Variants in TENM1 observed in about 807,000 individuals in gnomAD.
The protein encoded by TENM1 is teneurin-1.
Under a neutral mutation model 174.8 loss-of-function variants are expected in TENM1, and 35 were observed. The ratio of observed to expected loss-of-function variants is 0.20; its 90% CI spans 0.15 to 0.27. The LOEUF (loss-of-function observed/expected upper bound fraction) is 0.27, where lower values mean the gene tolerates loss of function less well. TENM1 is among the 10% of genes least tolerant of loss of function. The pLI, the probability that TENM1 is intolerant of heterozygous loss-of-function variation, is 1.00. For missense variants in TENM1, 1,633 were observed against 2,130.1 expected, an observed-to-expected ratio of 0.77 and a Z score of 4.59; for synonymous variants, 781 against 798.7, an observed-to-expected ratio of 0.98 and a Z score of 0.37.
intron 3 of TENM1, among the ~76,000 whole-genome samples, chrX:124,807,672 T>TA (rs1346146840): frequency 1.8e-5 from 2 of 110,632 alleles, no homozygotes; most frequent in African/African-American, 6.6e-5. Flanking sequence ...ATGGTGACAT[T>TA]AAAAAATCAA....
the TENM1 span, among the ~76,000 whole-genome samples, chrX:125,150,883 G>T: frequency 8.9e-6 from 1 of 112,359 alleles, no homozygotes; most frequent in Admixed American, 9.4e-5. Context: ...TTGCTTCAGT[G>T]AGATCGTGAT....
At chrX:125,070,190 G>GTAA in the TENM1 span, among the ~76,000 whole-genome samples, 2,064 of 106,845 alleles carry the variant, frequency 0.019, 31 homozygotes, top group African/African-American at 0.044. Flanking sequence ...CCGTGTCCAA[G>GTAA]TAATAATAAT....
At chrX:125,152,384 CAT>C in the TENM1 span, among the ~76,000 whole-genome samples, 1 of 111,776 alleles carries the variant, frequency 8.9e-6, no homozygotes, top group South Asian at 3.7e-4. Context: ...AAAAGTGACA[CAT>C]ATGAAATATT....
intron 1 of TENM1, among the ~76,000 whole-genome samples, chrX:124,910,090 T>C (rs142368877): frequency 0.011 from 1,190 of 112,370 alleles, 13 homozygotes; most frequent in African/African-American, 0.036. Context: ...TTTTTCTTTA[T>C]TTGAAATTTA....
intron 3 of TENM1, among the ~76,000 whole-genome samples, chrX:124,881,956 G>A (rs1428059515): frequency 1.8e-5 from 2 of 111,585 alleles, no homozygotes; most frequent in Non-Finnish European, 3.8e-5. Flanking sequence ...CTCAAACTCC[G>A]GACCTCAGGT....
intron 3 of TENM1, among the ~76,000 whole-genome samples, chrX:124,749,967 T>A (rs1344554416): frequency 8.9e-6 from 1 of 112,028 alleles, no homozygotes; most frequent in Non-Finnish European, 1.9e-5. Flanking sequence ...CAGTTAATGT[T>A]AGTTACTAAT....
At chrX:125,027,972 G>A in the TENM1 span, among the ~76,000 whole-genome samples, 7 of 111,519 alleles carry the variant, frequency 6.3e-5, no homozygotes, top group Admixed American at 9.6e-5. Flanking sequence ...ACTAAATGTC[G>A]ATACGGATAT....
chrX:124,952,303 A>G (rs1348519100), intron 1 of TENM1, among the ~76,000 whole-genome samples: 2 of 106,904 alleles, frequency 1.9e-5, no homozygotes, highest in Admixed American at 1.0e-4. Context: ...CCCCATTACA[A>G]ATTGATTCAC....
intron 14 of TENM1, among the ~76,000 whole-genome samples, chrX:124,558,810 A>C (rs1160858545): frequency 9.0e-6 from 1 of 111,225 alleles, no homozygotes; most frequent in Non-Finnish European, 1.9e-5. Flanking sequence ...GTAATCGGAA[A>C]TCTCAAGGAG....
At chrX:124,384,798 G>A (rs942915412) in exon 30 of TENM1, 6 of 1,209,829 alleles carry the variant, frequency 5.0e-6, no homozygotes, top group Non-Finnish European at 5.6e-6. Flanking sequence ...TAGTCGAACC[G>A]TGCATTCACA....
intron 24 of TENM1, among the ~76,000 whole-genome samples, chrX:124,421,150 C>A (rs12840592): frequency 0.33 from 36,712 of 110,493 alleles, 5,532 homozygotes; most frequent in Non-Finnish European, 0.48. Context: ...GGCTGGAAAT[C>A]TGAGAGTTAT....
At chrX:124,502,218 A>G (rs2047347252) in intron 19 of TENM1, among the ~76,000 whole-genome samples, 1 of 111,868 alleles carries the variant, frequency 8.9e-6, no homozygotes, top group South Asian at 3.7e-4. Flanking sequence ...ATTCTCAGAA[A>G]TAATTTGATG....
At chrX:125,161,045 A>C in the TENM1 span, among the ~76,000 whole-genome samples, 1 of 107,132 alleles carries the variant, frequency 9.3e-6, no homozygotes, top group African/African-American at 3.4e-5. Context: ...AAAGTAAAAA[A>C]AAAAAAAAAA....
intron 5 of TENM1, among the ~76,000 whole-genome samples, chrX:124,699,105 T>C (rs61530134): frequency 0.018 from 1,969 of 111,950 alleles, 37 homozygotes; most frequent in African/African-American, 0.06. Flanking sequence ...TATTCACATA[T>C]CTATGTATGC....
At chrX:124,591,447 T>C (rs189503260) in intron 11 of TENM1, among the ~76,000 whole-genome samples, 5 of 112,021 alleles carry the variant, frequency 4.5e-5, no homozygotes, top group Admixed American at 9.5e-5. Flanking sequence ...TGCTTGCTTG[T>C]CTGGAAAAGT....
At chrX:124,907,054 T>C (rs899677122) in intron 1 of TENM1, among the ~76,000 whole-genome samples, 1 of 111,758 alleles carries the variant, frequency 8.9e-6, no homozygotes, top group African/African-American at 3.3e-5. Context: ...GTATACTCTA[T>C]ATATAGTTTA....
upstream of TENM1, among the ~76,000 whole-genome samples, chrX:124,968,193 T>C (rs2058749913): frequency 1.8e-5 from 2 of 111,587 alleles, 1 homozygote; most frequent in South Asian, 7.4e-4. Context: ...AATACAAAAA[T>C]AAAATTAAAA....
At chrX:124,919,584 A>G (rs891249047) in intron 1 of TENM1, among the ~76,000 whole-genome samples, 1 of 111,482 alleles carries the variant, frequency 9.0e-6, no homozygotes, top group African/African-American at 3.3e-5. Context: ...GATGACGGTC[A>G]TCTAGTAGGG....
exon 32 of TENM1, chrX:124,380,487 G>A: frequency 1.8e-6 from 2 of 1,124,754 alleles, no homozygotes; most frequent in Non-Finnish European, 2.4e-6. Flanking sequence ...ACCATTTTAT[G>A]TTTTAAAAAC....
Sources: allele counts gnomAD v4.1 joint callset (sites outside exome capture counted in the v4.1 genomes callset), GRCh38; gene constraint gnomAD v4.1.1; transcripts MANE v1.5; gene names NCBI Gene and HGNC (gene_info 2026-07-23, HGNC 2026-07-21).